The following EFL1 variants were observed in gnomAD, a reference collection of about 807,000 sequenced individuals.
EFL1 encodes the protein elongation factor like GTPase 1.
Under a neutral mutation model 126.7 loss-of-function variants are expected in EFL1, and 76 were observed. The ratio of observed to expected loss-of-function variants is 0.60; its 90% CI spans 0.50 to 0.73. The LOEUF is 0.73. Among genes scored for constraint, EFL1 ranks in the 30% least tolerant of loss-of-function variants. The pLI is 0.00. For synonymous variants in EFL1, 410 were observed against 448.4 expected (o/e 0.91, Z 1.08); for missense variants, 1,128 against 1,343.2 (o/e 0.84, Z 2.50).
chr15:82,186,607 A>G (rs1456088635), intron 15 of EFL1, among the ~76,000 whole-genome samples: 1 of 152,162 alleles, frequency 6.6e-6, no homozygotes, highest in Non-Finnish European at 1.5e-5. Flanking sequence ...CTCGATTATA[A>G]ATTTATGTGA....
intron 15 of EFL1, among the ~76,000 whole-genome samples, chr15:82,203,624 C>T (rs1389197322): frequency 6.6e-6 from 1 of 152,180 alleles, no homozygotes; most frequent in Admixed American, 6.5e-5. Flanking sequence ...CCACTCACTC[C>T]CCCTTGGCCT....
At chr15:82,219,246 A>G (rs916904836) in intron 14 of EFL1, among the ~76,000 whole-genome samples, 14 of 151,880 alleles carry the variant, frequency 9.2e-5, no homozygotes, top group African/African-American at 3.1e-4. Flanking sequence ...GTGCCATGCA[A>G]CTCCTGCCTA....
chr15:82,143,078 GT>G (rs1025037678), intron 18 of EFL1, among the ~76,000 whole-genome samples: 5 of 149,880 alleles, frequency 3.3e-5, no homozygotes, highest in Admixed American at 1.3e-4. Context: ...AAGGTATGTT[GT>G]TTTTTTCAGA....
chr15:82,247,756 G>A (rs1451436361), intron 4 of EFL1, among the ~76,000 whole-genome samples: 1 of 152,096 alleles, frequency 6.6e-6, no homozygotes, highest in Non-Finnish European at 1.5e-5. Context: ...TTTTGGTAAG[G>A]AAGGGAATAA....
chr15:82,221,067 G>T (rs2074706814), intron 12 of EFL1, among the ~76,000 whole-genome samples: 1 of 152,102 alleles, frequency 6.6e-6, no homozygotes, highest in Admixed American at 6.5e-5. Flanking sequence ...AAGGCTGATA[G>T]ATTAACAGCA....
Position 82,151,628 on chromosome 15 carries a change from T to C in EFL1, c.2826A>G (p.Thr942=). 1.2e-6 allele frequency: 2 copies of C among 1,614,196 alleles called. No individual in the cohort carries two copies. The highest frequency in any genetic ancestry group is 1.7e-6 in the Non-Finnish European group (2 of 1,180,028). ...DGCSEAFEKR[T]SQKGESPLTD... is the part of the protein sequence containing the mutation. ...TGAGTGGAGATTCTCCTTTCTGTGA[T>C]GTCCTCTTCTCAAAGGCCTCAGAGC... The change falls in exon 18 of 20, where the codon ACA becomes ACG. Residue 942 remains threonine, a synonymous_variant. Coordinates refer to ENST00000268206, the MANE Select transcript of EFL1 (RefSeq NM_024580.6).
intron 17 of EFL1, among the ~76,000 whole-genome samples, chr15:82,152,882 G>A (rs2073928988): frequency 6.6e-6 from 1 of 152,138 alleles, no homozygotes; most frequent in Non-Finnish European, 1.5e-5. Context: ...AATGTATTTG[G>A]CTTTGATAAT....
chr15:82,162,301 T>C (rs1238390333), intron 16 of EFL1, among the ~76,000 whole-genome samples: 2 of 152,082 alleles, frequency 1.3e-5, no homozygotes, highest in Non-Finnish European at 2.9e-5. Flanking sequence ...AATAAACAAG[T>C]AAAATTATGG....
intron 18 of EFL1, among the ~76,000 whole-genome samples, chr15:82,150,402 C>T (rs1595943199): frequency 6.6e-6 from 1 of 152,188 alleles, no homozygotes; most frequent in East Asian, 1.9e-4. Flanking sequence ...GGGCTCAATC[C>T]TCCTTTATAT....
intron 8 of EFL1, among the ~76,000 whole-genome samples, chr15:82,230,074 C>T (rs2074805347): frequency 6.6e-6 from 1 of 151,994 alleles, no homozygotes; most frequent in Non-Finnish European, 1.5e-5. Context: ...CTTTTAATGG[C>T]AAGGGAAGAT....
At chr15:82,152,541 C>A in intron 17 of EFL1, 118 bp from the exon 18 acceptor site, 1 of 921,880 alleles carries the variant, frequency 1.1e-6, no homozygotes, top group Non-Finnish European at 1.6e-6. Flanking sequence ...TAAAAATTAT[C>A]TTACTATGAA....
rs191203535 is a variant in EFL1, at chr15:82,227,345, A to G, written c.1192+105T>C. On this transcript the variant is annotated intron_variant, in intron 11 of 19. Coordinates refer to ENST00000268206, the MANE Select transcript of EFL1 (RefSeq NM_024580.6). ...TCATCTGTGGAAGTGGACATTTGGC[A>G]AATTGGCCATTTAGCAAACTAGCGT... The G allele has an allele frequency of 1.3e-4, 201 of 1,548,442 alleles. No individual in the cohort carries two copies. In the African/African-American group the frequency reaches 2.5e-3, roughly 19 times the overall value.
At chr15:82,190,215 G>C (rs1182232229) in intron 15 of EFL1, among the ~76,000 whole-genome samples, 2 of 151,242 alleles carry the variant, frequency 1.3e-5, no homozygotes, top group African/African-American at 2.4e-5. Context: ...TATTGAATCT[G>C]TTCCTCACTG....
chr15:82,157,673 G>A (rs1309499703), intron 17 of EFL1, 40 bp downstream of exon 17: 1 of 1,582,174 alleles, frequency 6.3e-7, no homozygotes, highest in Non-Finnish European at 8.6e-7. Flanking sequence ...CCCATTGATT[G>A]AGAGCTATCA....
chr15:82,222,976 A>C (rs1191141611), intron 12 of EFL1, among the ~76,000 whole-genome samples: 4 of 152,216 alleles, frequency 2.6e-5, no homozygotes, highest in Non-Finnish European at 5.9e-5. Context: ...AAGTCCTGTA[A>C]CAGTCCCACA....
At chr15:82,259,577 G>C (rs2075095339) in intron 2 of EFL1, among the ~76,000 whole-genome samples, 1 of 152,156 alleles carries the variant, frequency 6.6e-6, no homozygotes, top group Admixed American at 6.5e-5. Context: ...TAAACATACT[G>C]TAACAACCAA....
At chr15:82,175,728 C>T (rs1176800347) in intron 15 of EFL1, among the ~76,000 whole-genome samples, 1 of 152,108 alleles carries the variant, frequency 6.6e-6, no homozygotes, top group African/African-American at 2.4e-5. Flanking sequence ...TGGCAGGCAC[C>T]TGTAATCCCA....
At chr15:82,183,158 C>T (rs1033988795) in intron 15 of EFL1, among the ~76,000 whole-genome samples, 1 of 152,118 alleles carries the variant, frequency 6.6e-6, no homozygotes, top group Non-Finnish European at 1.5e-5. Flanking sequence ...AGCCCTCTGG[C>T]TATATACTCA....
At chr15:82,145,303 CAAA>C (rs59928134) in intron 18 of EFL1, among the ~76,000 whole-genome samples, 1 of 96,486 alleles carries the variant, frequency 1.0e-5, no homozygotes. Flanking sequence ...AACTCTGTCT[CAAA>C]AAAAAAAAAA....
Sources: allele counts gnomAD v4.1 joint callset (sites outside exome capture counted in the v4.1 genomes callset), GRCh38; gene constraint gnomAD v4.1.1; transcripts MANE v1.5; gene names NCBI Gene and HGNC (gene_info 2026-07-23, HGNC 2026-07-21).